Variants in KCNMB2 observed in about 807,000 individuals in gnomAD.
KCNMB2 encodes the protein calcium-activated potassium channel subunit beta-2.
KCNMB2 carries 9 observed loss-of-function variants against 24.5 expected under a neutral mutation model. The ratio of observed to expected loss-of-function variants is 0.37; its 90% CI spans 0.22 to 0.64. The LOEUF is 0.64. Ranked by LOEUF, KCNMB2 falls within the 30% of genes least tolerant of loss-of-function variation. The probability of loss-of-function intolerance (pLI) is 0.63; values close to 1 mark genes in which losing one functional copy is unlikely to be tolerated. For missense variants in KCNMB2, 226 were observed against 284.3 expected, an observed-to-expected ratio of 0.79 and a Z score of 1.47; for synonymous variants, 109 against 104.4, an observed-to-expected ratio of 1.04 and a Z score of -0.27.
At chr3:178,551,053 T>G (rs1257554963) in intron 1 of KCNMB2, among the ~76,000 whole-genome samples, 1 of 152,064 alleles carries the variant, frequency 6.6e-6, no homozygotes, top group Admixed American at 6.5e-5. Context: ...CAAAATCAGG[T>G]TGCAATGACA....
intron 1 of KCNMB2, among the ~76,000 whole-genome samples, chr3:178,690,333 C>T (rs139320548): frequency 1.8e-3 from 276 of 151,614 alleles, no homozygotes; most frequent in African/African-American, 6.4e-3. Flanking sequence ...AAAAAAAAGC[C>T]TCCAAAAATA....
At chr3:178,832,493 C>G (rs1715089954) in intron 4 of KCNMB2, among the ~76,000 whole-genome samples, 1 of 80,992 alleles carries the variant, frequency 1.2e-5, no homozygotes, top group Admixed American at 1.0e-4. Flanking sequence ...TTAGAAAATT[C>G]TGTCATTATC....
In KCNMB2 at chr3:178,594,537, T is replaced by C. The variant is rs78357126; in HGVS notation, c.-68+57826T>C. Reference sequence around the variant, plus strand: ...AGGAATTGGAAAATTGGAGTAGCCATTTACTGAGATAGAATAGAAAGAGCA... The same window carrying C: ...AGGAATTGGAAAATTGGAGTAGCCACTTACTGAGATAGAATAGAAAGAGCA... On this transcript the variant is annotated intron_variant, in intron 1 of 4. Transcript: ENST00000452583. 7.9e-5 allele frequency among the ~76,000 whole-genome samples: 12 copies of C among 152,116 alleles called. No individual in the cohort carries two copies. The East Asian group carries it at 1.9e-3, about 25-fold the overall frequency.
intron 2 of KCNMB2, among the ~76,000 whole-genome samples, chr3:178,808,053 A>G (rs1477546296): frequency 1.3e-5 from 2 of 152,118 alleles, no homozygotes; most frequent in Non-Finnish European, 2.9e-5. Context: ...GAGGAGGAAA[A>G]GAGGACATAC....
intron 3 of KCNMB2, among the ~76,000 whole-genome samples, chr3:178,826,569 A>T (rs1366301502): frequency 6.6e-6 from 1 of 152,220 alleles, no homozygotes; most frequent in Non-Finnish European, 1.5e-5. Flanking sequence ...ACTGTTGTCC[A>T]TAAATTGGAC....
chr3:178,759,344 G>GAT (rs370619010), intron 1 of KCNMB2, among the ~76,000 whole-genome samples: 384 of 20,368 alleles, frequency 0.019, 46 homozygotes, highest in African/African-American at 0.051. Flanking sequence ...TCTCCAAGAG[G>GAT]ATATATATAT....
At chr3:178,735,132 C>G (rs1405208039) in intron 1 of KCNMB2, among the ~76,000 whole-genome samples, 2 of 152,202 alleles carry the variant, frequency 1.3e-5, no homozygotes, top group Non-Finnish European at 2.9e-5. Flanking sequence ...TAAACAAACC[C>G]AAGTAAGGTT....
chr3:178,761,010 A>G (rs1711851726), intron 1 of KCNMB2, among the ~76,000 whole-genome samples: 1 of 152,166 alleles, frequency 6.6e-6, no homozygotes, highest in Non-Finnish European at 1.5e-5. Context: ...AAATTGGATA[A>G]GGTCTTTAAT....
At chr3:178,738,547 G>A (rs150567703) in intron 1 of KCNMB2, among the ~76,000 whole-genome samples, 5 of 152,270 alleles carry the variant, frequency 3.3e-5, no homozygotes, top group Admixed American at 2.6e-4. Flanking sequence ...TATTCTCTAA[G>A]TTGTTCCCAT....
chr3:178,751,945 C>T (rs1723865808), intron 1 of KCNMB2, among the ~76,000 whole-genome samples: 1 of 152,182 alleles, frequency 6.6e-6, no homozygotes, highest in African/African-American at 2.4e-5. Context: ...TTCCTTTTGG[C>T]CACCTGCCCA....
chr3:178,797,586 A>G (rs950550047), intron 1 of KCNMB2, among the ~76,000 whole-genome samples: 1 of 152,246 alleles, frequency 6.6e-6, no homozygotes, highest in Non-Finnish European at 1.5e-5. Flanking sequence ...CAAATCAATC[A>G]ATGTGATACA....
chr3:178,788,340 A>G (rs894321437), intron 1 of KCNMB2, among the ~76,000 whole-genome samples: 2 of 152,228 alleles, frequency 1.3e-5, no homozygotes, highest in Non-Finnish European at 2.9e-5. Flanking sequence ...AAGGTAAATT[A>G]TCAAACAGTG....
At chr3:178,774,174 A>G (rs996994243) in intron 1 of KCNMB2, among the ~76,000 whole-genome samples, 1 of 152,166 alleles carries the variant, frequency 6.6e-6, no homozygotes, top group African/African-American at 2.4e-5. Context: ...CTCCTCATAA[A>G]GACTCCACAT....
At chr3:178,662,073 G>T (rs757527965) in intron 1 of KCNMB2, among the ~76,000 whole-genome samples, 5 of 152,164 alleles carry the variant, frequency 3.3e-5, no homozygotes, top group Admixed American at 6.5e-5. Context: ...AGGCCACACA[G>T]AATATTCCAT....
At chr3:178,627,911 G>A (rs1021675962) in intron 1 of KCNMB2, among the ~76,000 whole-genome samples, 1 of 152,180 alleles carries the variant, frequency 6.6e-6, no homozygotes, top group Admixed American at 6.5e-5. Flanking sequence ...GAAAAAGTGA[G>A]ACTTGAACAC....
At chr3:178,740,205 G>A (rs1723450168) in intron 1 of KCNMB2, among the ~76,000 whole-genome samples, 1 of 151,226 alleles carries the variant, frequency 6.6e-6, no homozygotes. Flanking sequence ...TGTAAGCTCT[G>A]CCTCCTGGGT....
chr3:178,728,504 A>G (rs1266460816), intron 1 of KCNMB2, among the ~76,000 whole-genome samples: 1 of 152,142 alleles, frequency 6.6e-6, no homozygotes, highest in Non-Finnish European at 1.5e-5. Context: ...TTCTAAGAGA[A>G]GTTATGAATC....
intron 3 of KCNMB2, among the ~76,000 whole-genome samples, chr3:178,827,703 C>T (rs1189574704): frequency 6.6e-6 from 1 of 152,202 alleles, no homozygotes; most frequent in Non-Finnish European, 1.5e-5. Flanking sequence ...CCCTCCACTC[C>T]TTTGCCATCT....
chr3:178,599,686 T>C (rs9290657), intron 1 of KCNMB2, among the ~76,000 whole-genome samples: 55,059 of 151,994 alleles, frequency 0.36, 10,432 homozygotes, highest in African/African-American at 0.49. Flanking sequence ...CACATTCACA[T>C]TGTCGTGCAA....
Sources: allele counts gnomAD v4.1 joint callset (sites outside exome capture counted in the v4.1 genomes callset), GRCh38; gene constraint gnomAD v4.1.1; transcripts MANE v1.5; gene names NCBI Gene and HGNC (gene_info 2026-07-23, HGNC 2026-07-21).